Variants in SMG6 observed in about 807,000 individuals in gnomAD.
SMG6 encodes the protein SMG6 nonsense mediated mRNA decay factor.
SMG6 carries 66 observed loss-of-function variants against 142.2 expected under a neutral mutation model. The observed-to-expected ratio is 0.46, with a 90% CI of 0.38 to 0.57. The LOEUF (loss-of-function observed/expected upper bound fraction) is 0.57, where lower values mean the gene tolerates loss of function less well. Ranked by LOEUF, SMG6 falls within the 20% of genes least tolerant of loss-of-function variation. The pLI is 0.00. For synonymous variants in SMG6, 779 were observed against 702.4 expected (o/e 1.11, Z -1.72); for missense variants, 1,793 against 1,832.0 (o/e 0.98, Z 0.39).
chr17:2,297,663 C>T (rs1370033073), intron 3 of SMG6, among the ~76,000 whole-genome samples, 200 bp downstream of exon 3: 1 of 152,146 alleles, frequency 6.6e-6, no homozygotes, highest in Admixed American at 6.5e-5. Context: ...ATTCAGAAAG[C>T]TTTCAACCTC....
intron 13 of SMG6, among the ~76,000 whole-genome samples, chr17:2,086,574 C>T (rs2068567229): frequency 6.6e-6 from 1 of 152,206 alleles, no homozygotes; most frequent in Admixed American, 6.5e-5. Context: ...CCAACCTGCT[C>T]CCATGTGGCC....
rs183752025 is a variant in SMG6 at position 2,252,278 on chromosome 17, T to C, written c.2662-7559A>G. Among the ~76,000 whole-genome samples, 6 of 151,874 alleles carry C rather than the reference T, an allele frequency of 4.0e-5. No individual in the cohort carries two copies. In the East Asian group the frequency reaches 7.8e-4, roughly 20 times the overall value. On this transcript the variant is annotated intron_variant, in intron 8 of 18. Transcript: ENST00000263073. ...TACAAAAATTAGCTGGGTGTGCCTA[T>C]AGTCCCAGCTACTCAGGAGGCTGAG...
At chr17:2,163,750 G>C (rs1422197979) in intron 13 of SMG6, among the ~76,000 whole-genome samples, 1 of 150,880 alleles carries the variant, frequency 6.6e-6, no homozygotes, top group Non-Finnish European at 1.5e-5. Context: ...GAATGGAACT[G>C]GTAACTCACC....
intron 8 of SMG6, among the ~76,000 whole-genome samples, chr17:2,272,915 G>C (rs7223296): frequency 0.43 from 64,594 of 151,134 alleles, 15,087 homozygotes; most frequent in African/African-American, 0.62. Context: ...GGGGGACAGA[G>C]AGAAACTCTG....
chr17:2,244,084 T>TA (rs2073874647), intron 9 of SMG6, among the ~76,000 whole-genome samples: 1 of 152,172 alleles, frequency 6.6e-6, no homozygotes, highest in Non-Finnish European at 1.5e-5. Flanking sequence ...AGTCAAGTGT[T>TA]AGTTTTGCAC....
chr17:2,095,854 C>T (rs1445799754), intron 13 of SMG6, among the ~76,000 whole-genome samples: 1 of 149,468 alleles, frequency 6.7e-6, no homozygotes, highest in Non-Finnish European at 1.5e-5. Context: ...CCACCCCTCC[C>T]CCCAAAGATC....
chr17:2,276,930 C>T (rs943487177), intron 8 of SMG6, among the ~76,000 whole-genome samples: 5 of 150,792 alleles, frequency 3.3e-5, no homozygotes, highest in Admixed American at 2.6e-4. Flanking sequence ...TACAGGCATG[C>T]GCCACCACGC....
intron 13 of SMG6, among the ~76,000 whole-genome samples, chr17:2,136,231 T>C (rs1023796961): frequency 2.6e-5 from 4 of 151,624 alleles, no homozygotes; most frequent in Non-Finnish European, 4.4e-5. Context: ...TGGCTAATTT[T>C]TGTATTTTTA....
chr17:2,277,781 A>G (rs1163457243), intron 8 of SMG6, among the ~76,000 whole-genome samples: 1 of 152,226 alleles, frequency 6.6e-6, no homozygotes, highest in African/African-American at 2.4e-5. Flanking sequence ...TTGGTGGCTC[A>G]CACCTATAAT....
chr17:2,127,694 T>C (rs1212735728), intron 13 of SMG6: 2 of 567,332 alleles, frequency 3.5e-6, no homozygotes, highest in South Asian at 1.4e-5. Flanking sequence ...TCTAATTTAG[T>C]ATCTGTTCGG....
rs2072057262 is a variant in SMG6, at chr17:2,188,421, G to A, written c.2964C>T (p.Cys988=). ...TACCTTTGGCGGACTCCTTAAGTAA[G>A]CAGGTGCAGCGGCGGACCAGTAGAG... ...MFSLLVRRCT[C]LLKESAKAQL... The change falls in exon 11 of 19, where the codon TGC becomes TGT. Residue 988 remains cysteine, a synonymous_variant. Transcript: ENST00000263073. 6.2e-7 allele frequency: 1 copy of A among 1,613,992 alleles called. No individual in the cohort carries two copies. The highest frequency in any genetic ancestry group is 8.5e-7 in the Non-Finnish European group (1 of 1,180,012).
intron 13 of SMG6, among the ~76,000 whole-genome samples, chr17:2,128,507 G>A (rs1216398739): frequency 1.3e-5 from 2 of 152,072 alleles, no homozygotes; most frequent in African/African-American, 4.8e-5. Context: ...TAACCTATAC[G>A]CCAATCCAAC....
chr17:2,286,324 A>C (rs998961114), intron 6 of SMG6, among the ~76,000 whole-genome samples: 4 of 151,734 alleles, frequency 2.6e-5, no homozygotes, highest in African/African-American at 4.8e-5. Flanking sequence ...AAAAAAAAAA[A>C]ACGAAGTTAG....
At chr17:2,303,607 C>G (rs1330493523) in intron 1 of SMG6, 26 bp downstream of exon 1, 3 of 1,424,402 alleles carry the variant, frequency 2.1e-6, no homozygotes, top group Non-Finnish European at 2.7e-6. Context: ...GCAGGCCCGG[C>G]CCAGGAGCTG....
chr17:2,102,025 G>A (rs1373021541), intron 13 of SMG6, among the ~76,000 whole-genome samples: 1 of 152,152 alleles, frequency 6.6e-6, no homozygotes, highest in African/African-American at 2.4e-5. Flanking sequence ...TTCTGGGCAT[G>A]GTGCACTCCT....
intron 13 of SMG6, among the ~76,000 whole-genome samples, chr17:2,123,990 G>A (rs1455854748): frequency 1.3e-5 from 2 of 152,212 alleles, no homozygotes; most frequent in African/African-American, 4.8e-5. Context: ...CTTGCCTTTG[G>A]CAGCACTGAA....
At chr17:2,073,371 A>C (rs1004788640) in intron 15 of SMG6, among the ~76,000 whole-genome samples, 4 of 151,802 alleles carry the variant, frequency 2.6e-5, no homozygotes, top group Non-Finnish European at 5.9e-5. Context: ...GGCGTAAGCC[A>C]CTGTGCCCAG....
chr17:2,214,457 ACGGCTTCT>A (rs2072955239), intron 10 of SMG6: 1 of 152,006 alleles, frequency 6.6e-6, no homozygotes, highest in African/African-American at 2.4e-5. Flanking sequence ...GTGGACGGCA[ACGGCTTCT>A]CGGCTGTGCC....
intron 13 of SMG6, chr17:2,087,544 A>C: frequency 9.7e-7 from 1 of 1,025,754 alleles, no homozygotes; most frequent in Non-Finnish European, 1.2e-6. Flanking sequence ...TTGATGTAGA[A>C]GGTTCTCGGC....
Sources: allele counts gnomAD v4.1 joint callset (sites outside exome capture counted in the v4.1 genomes callset), GRCh38; gene constraint gnomAD v4.1.1; transcripts MANE v1.5; gene names NCBI Gene and HGNC (gene_info 2026-07-23, HGNC 2026-07-21).